Variants in LCT observed in about 807,000 individuals in gnomAD.
LCT encodes the protein lactase, also known as lactase/phlorizin hydrolase.
LCT carries 90 observed loss-of-function variants against 173.0 expected under a neutral mutation model. That is an observed-to-expected ratio of 0.52 (90% CI 0.44 to 0.62). LCT has a LOEUF of 0.62. Among genes scored for constraint, LCT ranks in the 20% least tolerant of loss-of-function variants. The pLI, the probability that LCT is intolerant of heterozygous loss-of-function variation, is 0.00. For synonymous variants in LCT, 853 were observed against 957.6 expected (o/e 0.89, Z 2.02); for missense variants, 1,864 against 2,431.4 (o/e 0.77, Z 4.91).
chr2:135,817,870 C>T lies in LCT; in HGVS notation c.1178G>A (p.Gly393Glu). Residue 393 changes from glycine to glutamate, a missense_variant, in exon 6 of 17, where the codon GGA (glycine) becomes GAA (glutamate). Transcript: ENST00000264162. ...PEGFLWGAST[G>E]AFNVEGGWAE... Reference sequence around the variant, plus strand: ...CCAGCCTCCTTCCACGTTAAAGGCTCCTGTGGAGGCACCCCAGAGGAAGCC... The same window carrying T: ...CCAGCCTCCTTCCACGTTAAAGGCTTCTGTGGAGGCACCCCAGAGGAAGCC... 6.2e-7 allele frequency: 1 copy of T among 1,614,064 alleles called. No homozygotes were observed. Among genetic ancestry groups the T allele is most frequent in the Non-Finnish European group, 8.5e-7 (1 of 1,180,030 alleles).
In LCT at chr2:135,812,594, G is replaced by A. The variant is rs753052692; in HGVS notation, c.2070C>T (p.Leu690=). ...FLGLSHYTSR[L]ISNAPQNTCI... is the part of the protein sequence containing the mutation. ...AGGTGTTTTGTGGGGCGTTGCTGAT[G>A]AGGCGGGAGGTGTAATGCGACAGAC... Residue 690 remains leucine, a synonymous_variant, in exon 7 of 17, where the codon CTC becomes CTT. Transcript: ENST00000264162. 3.1e-6 allele frequency: 5 copies of A among 1,611,820 alleles called. No homozygotes were observed. The highest frequency in any genetic ancestry group is 2.5e-6 in the Non-Finnish European group (3 of 1,178,070).
At position 135,804,944 on chromosome 2, in the gene LCT, A is replaced by G; in HGVS notation, c.4287T>C (p.Tyr1429=). 1 of 1,614,212 alleles carries G rather than the reference A, an allele frequency of 6.2e-7. No homozygotes were observed. The highest frequency in any genetic ancestry group is 8.5e-7 in the Non-Finnish European group (1 of 1,180,040). ...TGACCAGATCCTCAGCAATCTTGTG[A>G]TAACTGTCACAGGCCACGTCTCCAA... ...DAIGDVACDS[Y]HKIAEDLVTL... Residue 1429 remains tyrosine (Y), a synonymous_variant, in exon 10 of 17, where the codon TAT becomes TAC. Coordinates refer to ENST00000264162, the MANE Select transcript of LCT (RefSeq NM_002299.4).
At chr2:135,822,735 T>C (rs2077845800) in intron 4 of LCT, 2 of 155,642 alleles carry the variant, frequency 1.3e-5, no homozygotes, top group African/African-American at 4.8e-5. Context: ...ATGTGGTTTG[T>C]CCCTACAAAA....
At chr2:135,834,417 C>T (rs1184068461) in intron 1 of LCT, among the ~76,000 whole-genome samples, 1 of 149,188 alleles carries the variant, frequency 6.7e-6, no homozygotes, top group Non-Finnish European at 1.5e-5. Context: ...GATCTTCTGA[C>T]CTTGTGACCC....
At chr2:135,814,810 T>C (rs767053811) in intron 6 of LCT, among the ~76,000 whole-genome samples, 1 of 152,144 alleles carries the variant, frequency 6.6e-6, no homozygotes, top group African/African-American at 2.4e-5. Context: ...CCACCGCGCC[T>C]GGCCCAAGAC....
intron 7 of LCT, among the ~76,000 whole-genome samples, chr2:135,811,595 T>G (rs1002117906): frequency 6.6e-6 from 1 of 151,280 alleles, no homozygotes; most frequent in Non-Finnish European, 1.5e-5. Flanking sequence ...GAAGAGTTAA[T>G]GGGTTGGAGT....
Position 135,804,916 on chromosome 2 carries a change from G to A in LCT, c.4315C>T (p.Leu1439=), listed in dbSNP as rs1478408525. The A allele has an allele frequency of 6.2e-7, 1 of 1,614,200 alleles. No individual in the cohort carries two copies. The highest frequency in any genetic ancestry group is 2.2e-5 in the East Asian group (1 of 44,886). ...TAGTGGGACACGCCCAGGTTCTGCA[G>A]GGTGACCAGATCCTCAGCAATCTTG... The part of the protein sequence containing the change: ...YHKIAEDLVT[L]QNLGVSHYRF... Residue 1439 remains leucine, a synonymous_variant, in exon 10 of 17, where the codon CTG becomes TTG. Coordinates refer to ENST00000264162, the MANE Select transcript of LCT (RefSeq NM_002299.4).
chr2:135,821,737 A>T (rs1359507528), intron 5 of LCT: 1 of 434,214 alleles, frequency 2.3e-6, no homozygotes, highest in African/African-American at 2.0e-5. Context: ...CAATCTTCCC[A>T]CCTTTGCCTA....
At chr2:135,795,396 A>G (rs1486066729) in intron 13 of LCT, among the ~76,000 whole-genome samples, 1 of 151,846 alleles carries the variant, frequency 6.6e-6, no homozygotes, top group Non-Finnish European at 1.5e-5. Context: ...TTTGGTAGAG[A>G]TGGGGTTTCA....
At chr2:135,798,497 C>A (rs6430590) in intron 12 of LCT, among the ~76,000 whole-genome samples, 38 of 152,292 alleles carry the variant, frequency 2.5e-4, no homozygotes, top group Non-Finnish European at 2.6e-4. Flanking sequence ...TCCAGGCTCC[C>A]GGTTCTCTTT....
At position 135,817,203 on chromosome 2, in the gene LCT, T is replaced by G. The variant is rs2077787070; in HGVS notation, c.1707+138A>C. ...TAACAATTTAATTAACAATTTATGG[T>G]TCCTTCCCTCCCCGATTTCCTTTAA... is the stretch of plus-strand genomic sequence containing the variant. On this transcript the variant is annotated intron_variant, in intron 6 of 16. Coordinates refer to ENST00000264162, the MANE Select transcript of LCT (RefSeq NM_002299.4). The G allele has an allele frequency of 4.8e-6, 5 of 1,039,258 alleles. No individual in the cohort carries two copies. In the East Asian group the frequency reaches 1.2e-4, roughly 25 times the overall value. 64.4% of individuals were successfully genotyped at this position (1,039,258 alleles called of 1,614,324 possible).
chr2:135,792,877 CCAAATA>C (rs2077543664), intron 14 of LCT, among the ~76,000 whole-genome samples: 1 of 152,112 alleles, frequency 6.6e-6, no homozygotes, highest in African/African-American at 2.4e-5. Flanking sequence ...CCTGAGAAAC[CCAAATA>C]CCCTGGCCAA....
At chr2:135,802,714 A>T (rs2077636546) in intron 11 of LCT, among the ~76,000 whole-genome samples, 3 of 152,232 alleles carry the variant, frequency 2.0e-5, no homozygotes, top group Admixed American at 1.3e-4. Context: ...TGGGAAGGGT[A>T]GTAGGGAGGG....
At position 135,829,614 on chromosome 2, in the gene LCT, C is replaced by A. The variant is rs1372035048; in HGVS notation, c.783G>T (p.Arg261=). 2 of 1,613,716 alleles carry A rather than the reference C, an allele frequency of 1.2e-6. No individual in the cohort carries two copies. Among genetic ancestry groups the A allele is most frequent in the African/African-American group, 2.7e-5 (2 of 75,018 alleles). ...TTACCTGCAATTTACTCAGCTTCTG[C>A]CGCAGACTTGCCTCATTTTGGCATT... The part of the protein sequence containing the change: ...SYECQNEASL[R]QKLSKLQTIE... The change falls in exon 3 of 17, where the codon CGG becomes CGT. Residue 261 remains arginine (R), a synonymous_variant. Coordinates refer to ENST00000264162, the MANE Select transcript of LCT (RefSeq NM_002299.4).
At chr2:135,805,297 A>T (rs1443546542) in intron 9 of LCT, among the ~76,000 whole-genome samples, 3 of 151,930 alleles carry the variant, frequency 2.0e-5, no homozygotes, top group Non-Finnish European at 4.4e-5. Context: ...CCATCTCTAT[A>T]AAAAAAATCA....
intron 2 of LCT, among the ~76,000 whole-genome samples, chr2:135,831,241 G>A (rs1022870580): frequency 2.6e-5 from 4 of 152,178 alleles, no homozygotes. Flanking sequence ...GCACAGTTAC[G>A]TGTACATTAA....
chr2:135,836,375 G>A (rs1032436052), intron 1 of LCT, among the ~76,000 whole-genome samples, 155 bp downstream of exon 1: 1 of 152,096 alleles, frequency 6.6e-6, no homozygotes, highest in Non-Finnish European at 1.5e-5. Context: ...TCGCCAGTGG[G>A]AAATCAATTT....
Position 135,836,830 on chromosome 2 carries a change from G to C in LCT, c.340C>G (p.Arg114Gly). The change falls in exon 1 of 17, where the codon CGG becomes GGG. Residue 114 changes from arginine (R) to glycine (G), a missense_variant. Arg to Gly is a moderately radical substitution (Grantham distance 125, BLOSUM62 -2). Around this residue, in one of 4 missense-constraint regions of LCT, gnomAD observed 412 missense variants for 462.0 expected, o/e 0.89. Transcript: ENST00000264162. ...NPDEKTVQCY[R>G]RLLKALKTAR... ...GTCTTGAGGGCCTTGAGGAGTCGCC[G>C]GTAGCACTGCACTGTTTTCTCGTCT... The C allele has an allele frequency of 6.2e-7, 1 of 1,614,154 alleles. No individual in the cohort carries two copies. Among genetic ancestry groups the C allele is most frequent in the Non-Finnish European group, 8.5e-7 (1 of 1,180,014 alleles).
rs1558749380 is a variant in LCT at position 135,837,048 on chromosome 2, TGCA to T, written c.119_121del (p.Leu40del). 9 of 1,614,150 alleles carry T rather than the reference TGCA, an allele frequency of 5.6e-6. No individual in the cohort carries two copies. Among genetic ancestry groups the T allele is most frequent in the Non-Finnish European group, 7.6e-6 (9 of 1,180,020 alleles). The stretch of plus-strand genomic sequence containing the variant: ...GTCTCCCAGGAGACCACTCAGGTTG[TGCA>T]GCAAGTCATTGGTTAGAGGACCAGC... On this transcript the variant is annotated inframe_deletion, in exon 1 of 17. Coordinates refer to ENST00000264162, the MANE Select transcript of LCT (RefSeq NM_002299.4).
Sources: gnomAD v4.1 joint callset for allele counts (sites outside exome capture counted in the v4.1 genomes callset) on GRCh38, gnomAD v4.1.1 for gene constraint, gnomAD v4.1.1 regional missense constraint, MANE v1.5 for transcripts, NCBI Gene and HGNC (gene_info 2026-07-23, HGNC 2026-07-21) for gene names.